Variants in DSCAML1 observed in about 807,000 individuals in gnomAD.
DSCAML1 encodes cell adhesion molecule DSCAML1.
In DSCAML1, 38 loss-of-function variants were observed where a neutral mutation model predicts 200.5. That is an observed-to-expected ratio of 0.19 (90% confidence interval 0.15 to 0.25). The LOEUF is 0.25. DSCAML1 is among the 10% of genes least tolerant of loss of function. The pLI, the probability that DSCAML1 is intolerant of heterozygous loss-of-function variation, is 1.00. For missense variants in DSCAML1, 2,223 were observed against 2,858.8 expected, an observed-to-expected ratio of 0.78 and a Z score of 5.07; for synonymous variants, 1,215 against 1,165.0, an observed-to-expected ratio of 1.04 and a Z score of -0.87.
intron 11 of DSCAML1, among the ~76,000 whole-genome samples, chr11:117,493,157 G>A (rs982149722): frequency 6.6e-6 from 1 of 152,114 alleles, no homozygotes; most frequent in Non-Finnish European, 1.5e-5. Context: ...TGCACTGGGG[G>A]TCCAGTTGAG....
Position 117,450,646 on chromosome 11 carries a change from G to C in DSCAML1, c.3611C>G (p.Ala1204Gly). ...PAGIKAVPSS[A>G]SSVVVSWLPP... ...GAGCCAAGACACAACCACACTGCTAGCTGATGAAGGGACAGCTTTGATGCC... is the reference window on the plus strand; with the variant it reads ...GAGCCAAGACACAACCACACTGCTACCTGATGAAGGGACAGCTTTGATGCC... The change falls in exon 20 of 33, where the codon GCT (alanine) becomes GGT (glycine). Residue 1204 changes from alanine to glycine, a missense_variant. Physicochemically the swap from Ala to Gly is moderately conservative, Grantham distance 60 (BLOSUM62 0). Coordinates refer to ENST00000651296, the MANE Select transcript of DSCAML1 (RefSeq NM_020693.4). 1 of 1,614,214 alleles carries C rather than the reference G, an allele frequency of 6.2e-7. No homozygotes were observed.
intron 3 of DSCAML1, among the ~76,000 whole-genome samples, chr11:117,750,314 G>A (rs780297666): frequency 3.3e-5 from 5 of 152,286 alleles, no homozygotes; most frequent in African/African-American, 4.8e-5. Context: ...TGTCTTTGTC[G>A]GACCCAGGTT....
At chr11:117,764,532 C>A (rs994370050) in intron 3 of DSCAML1, among the ~76,000 whole-genome samples, 1 of 152,204 alleles carries the variant, frequency 6.6e-6, no homozygotes, top group African/African-American at 2.4e-5. Context: ...AAAACATTTG[C>A]TAAATTAAAT....
At chr11:117,576,781 C>T (rs768869496) in intron 3 of DSCAML1, among the ~76,000 whole-genome samples, 1 of 152,132 alleles carries the variant, frequency 6.6e-6, no homozygotes. Context: ...AGCTGTGCCC[C>T]GAGTGTCAGG....
At chr11:117,734,864 T>G (rs1456757417) in intron 3 of DSCAML1, among the ~76,000 whole-genome samples, 2 of 152,150 alleles carry the variant, frequency 1.3e-5, no homozygotes, top group African/African-American at 2.4e-5. Context: ...AGGACGGACA[T>G]GCATCACAGC....
chr11:117,518,867 G>A lies in DSCAML1; in HGVS notation c.1214-105C>T. 3 of 1,310,468 alleles carry A rather than the reference G, an allele frequency of 2.3e-6. No individual in the cohort carries two copies. Among genetic ancestry groups the A allele is most frequent in the Non-Finnish European group, 3.1e-6 (3 of 978,922 alleles). 81.2% of individuals were successfully genotyped at this position (1,310,468 alleles called of 1,614,324 possible). ...GAGGAGGCAAAAAGCAGCCATAAGA[G>A]CAAACAAGAACTTTTGTGTACATCA... is the stretch of plus-strand genomic sequence containing the variant. On this transcript the variant is annotated intron_variant, in intron 6 of 32. Transcript: ENST00000651296. The surrounding 1 kb of genome is among the most constrained non-coding windows in gnomAD (Gnocchi z 6.3).
intron 3 of DSCAML1, among the ~76,000 whole-genome samples, chr11:117,714,163 G>T (rs2137776483): frequency 6.6e-6 from 1 of 152,276 alleles, no homozygotes; most frequent in Middle Eastern, 3.4e-3. Flanking sequence ...ACTAGTACCT[G>T]GGGCATAGTA....
intron 3 of DSCAML1, among the ~76,000 whole-genome samples, chr11:117,552,186 A>G (rs1260681140): frequency 6.6e-6 from 1 of 151,868 alleles, no homozygotes; most frequent in Non-Finnish European, 1.5e-5. Context: ...CTACGTCCCT[A>G]CTGGGCTGTG....
intron 11 of DSCAML1, among the ~76,000 whole-genome samples, chr11:117,484,036 T>TGCCCCCCGCCCCTGCCCCC (rs2048986331): frequency 4.7e-5 from 1 of 21,158 alleles, no homozygotes; most frequent in Admixed American, 3.6e-4. Flanking sequence ...CCCCCGCCCC[T>TGCCCCCCGCCCCTGCCCCC]GCCCCCCGCC....
intron 3 of DSCAML1, among the ~76,000 whole-genome samples, chr11:117,550,226 C>T (rs1475891747): frequency 6.6e-6 from 1 of 152,208 alleles, no homozygotes; most frequent in Non-Finnish European, 1.5e-5. Context: ...AGATACTTTA[C>T]ATGCATTGCC....
At chr11:117,565,838 G>T (rs1320134963) in intron 3 of DSCAML1, among the ~76,000 whole-genome samples, 4 of 152,210 alleles carry the variant, frequency 2.6e-5, no homozygotes. Context: ...GACTGAGTAG[G>T]GGGTGTGACC....
At chr11:117,649,847 C>T (rs1050526845) in intron 3 of DSCAML1, among the ~76,000 whole-genome samples, 9 of 152,192 alleles carry the variant, frequency 5.9e-5, no homozygotes, top group Non-Finnish European at 1.2e-4. Flanking sequence ...GTGCTCCTTC[C>T]GTGCCTCCGC....
In DSCAML1 at chr11:117,576,827, GA is replaced by G. The variant is rs1255188489; in HGVS notation, c.512-44306del. On this transcript the variant is annotated intron_variant, in intron 3 of 32. Coordinates refer to ENST00000651296, the MANE Select transcript of DSCAML1 (RefSeq NM_020693.4). ...CTAGAGAGTCAACATTTTCATCAAC[GA>G]AAGTGGATAATCCAAATGCAGATAA... Among the ~76,000 whole-genome samples, 4 of 152,298 alleles carry G rather than the reference GA, an allele frequency of 2.6e-5. No homozygotes were observed. In the East Asian group the frequency reaches 5.8e-4, roughly 22 times the overall value.
At chr11:117,530,716 G>T (rs537413674) in intron 4 of DSCAML1, among the ~76,000 whole-genome samples, 40 of 152,136 alleles carry the variant, frequency 2.6e-4, no homozygotes, top group Non-Finnish European at 5.0e-4. Context: ...GAGAGTCTCT[G>T]TGGGTCAGGG....
intron 22 of DSCAML1, 132 bp downstream of exon 22, chr11:117,439,686 AC>A: frequency 1.1e-6 from 1 of 893,394 alleles, no homozygotes; most frequent in Non-Finnish European, 1.8e-6. Flanking sequence ...GTAGCAGCAC[AC>A]CCTGCAGGGC....
chr11:117,736,639 T>A (rs769516063), intron 3 of DSCAML1, among the ~76,000 whole-genome samples: 1 of 152,210 alleles, frequency 6.6e-6, no homozygotes, highest in Non-Finnish European at 1.5e-5. Flanking sequence ...TGAATGCCAG[T>A]AGCTCCCACC....
intron 3 of DSCAML1, among the ~76,000 whole-genome samples, chr11:117,630,496 C>T (rs138752051): frequency 3.0e-4 from 45 of 151,974 alleles, no homozygotes; most frequent in African/African-American, 9.2e-4. Flanking sequence ...GAGGACCTGG[C>T]GGGCCTGTCT....
intron 15 of DSCAML1, 134 bp from the exon 16 acceptor site, chr11:117,470,114 A>G: frequency 1.4e-6 from 1 of 708,730 alleles, no homozygotes; most frequent in Non-Finnish European, 2.1e-6. Flanking sequence ...CAGATAGCAG[A>G]GAACTTTTGT....
At chr11:117,442,138 TG>T (rs1565682649) in intron 21 of DSCAML1, among the ~76,000 whole-genome samples, 1 of 151,608 alleles carries the variant, frequency 6.6e-6, no homozygotes, top group African/African-American at 2.4e-5. Flanking sequence ...CGTGTATGCA[TG>T]TGTGTATGCG....
Sources: allele counts gnomAD v4.1 joint callset (sites outside exome capture counted in the v4.1 genomes callset), GRCh38; gene constraint gnomAD v4.1.1; non-coding constraint Gnocchi (gnomAD v3.1); transcripts MANE v1.5; gene names NCBI Gene and HGNC (gene_info 2026-07-23, HGNC 2026-07-21).